KALRN: variants seen among roughly 807,000 people sequenced by gnomAD.
KALRN encodes the protein kalirin RhoGEF kinase.
KALRN carries 70 observed loss-of-function variants against 353.7 expected under a neutral mutation model. The ratio of observed to expected loss-of-function variants is 0.20; its 90% CI spans 0.16 to 0.24. The LOEUF (loss-of-function observed/expected upper bound fraction) is 0.24, where lower values mean the gene tolerates loss of function less well. Among genes scored for constraint, KALRN ranks in the 10% least tolerant of loss-of-function variants. KALRN has a pLI of 1.00. For missense variants in KALRN, 2,791 were observed against 3,756.7 expected (o/e 0.74, Z 6.72); for synonymous variants, 1,391 against 1,434.8 (o/e 0.97, Z 0.69).
intron 1 of KALRN, among the ~76,000 whole-genome samples, chr3:124,135,482 T>TA (rs887725342): frequency 7.2e-5 from 11 of 152,076 alleles, no homozygotes; most frequent in African/African-American, 2.7e-4. Flanking sequence ...CTAAAGAACT[T>TA]ACACATGTAA....
intron 34 of KALRN, among the ~76,000 whole-genome samples, chr3:124,614,485 C>T (rs1190737183): frequency 6.6e-6 from 1 of 151,790 alleles, no homozygotes; most frequent in African/African-American, 2.4e-5. Context: ...GTCTCAAACT[C>T]CTAGACTTAA....
Position 124,496,012 on chromosome 3 carries a change from T to TATATATATAC in KALRN, c.4833-298_4833-297insTATATATACA, listed in dbSNP as rs1345047394. Among the ~76,000 whole-genome samples, 280 of 43,458 alleles carry TATATATATAC rather than the reference T, an allele frequency of 6.4e-3. 8 individuals carry two copies. The highest frequency in any genetic ancestry group is 0.011 in the East Asian group (9 of 802). The allele number at this position is 43,458 out of a possible 152,430, so 28.5% of individuals were successfully genotyped here. Reference sequence around the variant, plus strand: ...ATATATATATATATATATATATATATACACACACATATATACATACATACA... The same window carrying TATATATATAC: ...ATATATATATATATATATATATATATATATATATACACACACACATATATACATACATACA... On this transcript the variant is annotated intron_variant, in intron 32 of 59. Transcript: ENST00000682506.
intron 7 of KALRN, among the ~76,000 whole-genome samples, chr3:124,326,858 A>G (rs1463267567): frequency 2.0e-5 from 3 of 152,220 alleles, no homozygotes; most frequent in Non-Finnish European, 4.4e-5. Flanking sequence ...TTATAATTAA[A>G]TGTGTTATGT....
chr3:124,560,407 A>C (rs2071828586), intron 33 of KALRN, among the ~76,000 whole-genome samples: 1 of 152,224 alleles, frequency 6.6e-6, no homozygotes, highest in Admixed American at 6.5e-5. Flanking sequence ...AGTTAGAAAG[A>C]ATTTCAGTCA....
Position 124,724,780 on chromosome 3 carries a change from T to A in KALRN, c.*5310T>A, listed in dbSNP as rs529423380. On this transcript the variant is annotated 3_prime_UTR_variant, in exon 60 of 60. Coordinates refer to ENST00000682506, the MANE Select transcript of KALRN (RefSeq NM_001388419.1). ...ATTTCTTCCTCATCTTCAATAAATA[T>A]GAAGAAGTTAGAGGAGAGGAAAAAG... The A allele has an allele frequency of 3.3e-5, 5 of 152,182 alleles. No individual in the cohort carries two copies. 9.4% of individuals were successfully genotyped at this position (152,182 alleles called of 1,614,324 possible).
At chr3:124,060,544 C>T (rs1002057998) in intron 1 of KALRN, among the ~76,000 whole-genome samples, 12 of 152,182 alleles carry the variant, frequency 7.9e-5, no homozygotes, top group African/African-American at 2.7e-4. Context: ...TGCACATGGC[C>T]TACTGGCTGC....
At chr3:124,618,660 T>C (rs1164501986) in intron 34 of KALRN, among the ~76,000 whole-genome samples, 1 of 152,168 alleles carries the variant, frequency 6.6e-6, no homozygotes, top group Non-Finnish European at 1.5e-5. Context: ...GAGGGCTTGT[T>C]TGAAGGCCTA....
intron 26 of KALRN, among the ~76,000 whole-genome samples, chr3:124,475,485 G>C (rs1048484590): frequency 2.0e-5 from 3 of 152,122 alleles, no homozygotes; most frequent in African/African-American, 7.2e-5. Context: ...AGTCCACTTA[G>C]GACACTGAGT....
intron 1 of KALRN, among the ~76,000 whole-genome samples, chr3:124,069,239 C>G (rs541600870): frequency 1.2e-3 from 179 of 150,612 alleles, no homozygotes; most frequent in Middle Eastern, 3.4e-3. Flanking sequence ...ACCAATTAGT[C>G]TATTTGTCTA....
chr3:124,338,732 G>A (rs919433314), intron 9 of KALRN, among the ~76,000 whole-genome samples: 2 of 152,058 alleles, frequency 1.3e-5, no homozygotes, highest in African/African-American at 4.8e-5. Context: ...TATTTATAGT[G>A]GGGTGTTAAA....
At chr3:124,609,289 C>A (rs1393343864) in intron 34 of KALRN, among the ~76,000 whole-genome samples, 1 of 151,778 alleles carries the variant, frequency 6.6e-6, no homozygotes, top group Non-Finnish European at 1.5e-5. Context: ...GTGTTTTTAT[C>A]TGTTGAGGTC....
At chr3:124,619,217 G>A (rs2078998304) in intron 34 of KALRN, among the ~76,000 whole-genome samples, 1 of 151,784 alleles carries the variant, frequency 6.6e-6, no homozygotes, top group Non-Finnish European at 1.5e-5. Context: ...GTGCCTTCCA[G>A]GTTCATCCAA....
intron 1 of KALRN, among the ~76,000 whole-genome samples, chr3:124,139,748 A>G (rs1052679400): frequency 5.9e-5 from 9 of 152,152 alleles, no homozygotes; most frequent in African/African-American, 2.2e-4. Context: ...ATTGGATGTG[A>G]GGAGATCATG....
chr3:124,434,785 T>C (rs538507044), intron 17 of KALRN, among the ~76,000 whole-genome samples: 1 of 152,354 alleles, frequency 6.6e-6, no homozygotes, highest in East Asian at 1.9e-4. Context: ...ATTGGGTGTA[T>C]ACTAAATGCT....
intron 33 of KALRN, among the ~76,000 whole-genome samples, chr3:124,536,419 C>T (rs1009977750): frequency 6.6e-6 from 1 of 152,140 alleles, no homozygotes; most frequent in Non-Finnish European, 1.5e-5. Context: ...CCAGGCTGGT[C>T]TTGAACTCCT....
intron 1 of KALRN, among the ~76,000 whole-genome samples, chr3:124,177,732 T>A (rs930824832): frequency 6.6e-6 from 1 of 152,184 alleles, no homozygotes; most frequent in Non-Finnish European, 1.5e-5. Context: ...TAAGGAGTCA[T>A]TGACAAGATG....
intron 33 of KALRN, among the ~76,000 whole-genome samples, chr3:124,544,586 A>T (rs1489396977): frequency 2.0e-5 from 3 of 152,032 alleles, no homozygotes; most frequent in African/African-American, 7.2e-5. Context: ...ATATCGATAC[A>T]TCTATATCGA....
chr3:124,694,810 CTG>C lies in KALRN; in HGVS notation c.7577+310_7577+311del, dbSNP rs1387219592. On this transcript the variant is annotated intron_variant, in intron 53 of 59. Transcript: ENST00000682506. ...GGATCAACAGAATGGTTTGTAAAGA[CTG>C]TGCTCCAGACCCACATTAAACAAAT... Among the ~76,000 whole-genome samples, 4 of 152,232 alleles carry C rather than the reference CTG, an allele frequency of 2.6e-5. No homozygotes were observed. The East Asian group carries it at 7.7e-4, about 29-fold the overall frequency.
chr3:124,159,006 T>C (rs930089279), intron 1 of KALRN, among the ~76,000 whole-genome samples: 2 of 152,138 alleles, frequency 1.3e-5, no homozygotes, highest in Non-Finnish European at 2.9e-5. Context: ...GGTATACATC[T>C]ACAAACAATT....
Sources: allele counts gnomAD v4.1 joint callset (sites outside exome capture counted in the v4.1 genomes callset), GRCh38; gene constraint gnomAD v4.1.1; transcripts MANE v1.5; gene names NCBI Gene and HGNC (gene_info 2026-07-23, HGNC 2026-07-21).